The following MNDA variants were observed in gnomAD, a reference collection of about 807,000 sequenced individuals.
MNDA encodes the protein epididymis secretory sperm binding protein.
MNDA carries 43 observed loss-of-function variants against 37.8 expected under a neutral mutation model. The ratio of observed to expected loss-of-function variants is 1.14; its 90% CI spans 0.89 to 1.47. The LOEUF is 1.47. MNDA is among the 40% of genes most tolerant of loss of function. The pLI is 0.00. For missense variants in MNDA, 536 were observed against 476.0 expected (o/e 1.13, Z -1.17); for synonymous variants, 181 against 169.0 (o/e 1.07, Z -0.55).
chr1:158,845,997 A>G lies in MNDA; in HGVS notation c.981A>G (p.Leu327=), dbSNP rs750411551. The G allele has an allele frequency of 6.3e-7, 1 of 1,598,254 alleles. No individual in the cohort carries two copies. The highest frequency in any genetic ancestry group is 2.2e-5 in the East Asian group (1 of 44,726). ...CAATGGTGTATGGGTTGTTTATGTTACAAAAGGTAAACCCTTAATTTTGTT... is the reference window on the plus strand; with the variant it reads ...CAATGGTGTATGGGTTGTTTATGTTGCAAAAGGTAAACCCTTAATTTTGTT... ...SGTMVYGLFM[L]QKKSVHKKNT... is the part of the protein sequence containing the mutation. The change falls in exon 5 of 7, where the codon TTA becomes TTG. Residue 327 remains leucine, a synonymous_variant. Coordinates refer to ENST00000368141, the MANE Select transcript of MNDA (RefSeq NM_002432.3).
chr1:158,843,256 C>A (rs766480233), intron 2 of MNDA, 23 bp from the exon 3 acceptor site: 1 of 1,597,728 alleles, frequency 6.3e-7, no homozygotes, highest in Non-Finnish European at 8.5e-7. Context: ...GCCTATTGTG[C>A]CCTTTTTCTT....
chr1:158,834,381 C>T (rs536963915), intron 1 of MNDA, among the ~76,000 whole-genome samples: 1 of 152,012 alleles, frequency 6.6e-6, no homozygotes, highest in South Asian at 2.1e-4. Context: ...TACAGACACG[C>T]GCCACCATGC....
chr1:158,842,488 T>C (rs1659048991), intron 2 of MNDA, 70 bp downstream of exon 2: 2 of 1,476,626 alleles, frequency 1.4e-6, no homozygotes. Context: ...AACCCCACCT[T>C]GGTCATAGCT....
intron 1 of MNDA, among the ~76,000 whole-genome samples, chr1:158,835,613 G>C (rs967041607): frequency 5.0e-5 from 3 of 60,136 alleles, no homozygotes; most frequent in Non-Finnish European, 6.6e-5. Flanking sequence ...GCCTATTTTT[G>C]GTGGGGGCGG....
chr1:158,847,807 G>T lies in MNDA; in HGVS notation c.1067G>T (p.Trp356Leu). 1 of 1,614,040 alleles carries T rather than the reference G, an allele frequency of 6.2e-7. No homozygotes were observed. The highest frequency in any genetic ancestry group is 8.5e-7 in the Non-Finnish European group (1 of 1,179,916). The change falls in exon 6 of 7, where the codon TGG becomes TTG. Residue 356 changes from tryptophan to leucine, a missense_variant. Physicochemically the swap from Trp to Leu is moderately conservative, Grantham distance 61. Coordinates refer to ENST00000368141, the MANE Select transcript of MNDA (RefSeq NM_002432.3). ...GSMDVVGSGK[W>L]HNIKCEKGDK... ...ATGGATGTAGTGGGGAGTGGAAAAT[G>T]GCACAATATCAAGTGTGAGAAAGGA... is the stretch of plus-strand genomic sequence containing the variant.
intron 1 of MNDA, among the ~76,000 whole-genome samples, chr1:158,838,416 G>T (rs1354580432): frequency 6.6e-6 from 1 of 151,858 alleles, no homozygotes. Context: ...ACTACCTTCT[G>T]GTCTACAAAG....
At chr1:158,838,134 A>G (rs931927340) in intron 1 of MNDA, among the ~76,000 whole-genome samples, 4 of 152,006 alleles carry the variant, frequency 2.6e-5, no homozygotes, top group Non-Finnish European at 5.9e-5. Context: ...TCAAAATAGC[A>G]AAAGTCATGT....
At chr1:158,836,011 C>T (rs1211514150) in intron 1 of MNDA, among the ~76,000 whole-genome samples, 1 of 151,548 alleles carries the variant, frequency 6.6e-6, no homozygotes, top group Non-Finnish European at 1.5e-5. Context: ...TATTTTCAGT[C>T]TTTTACCATT....
At chr1:158,843,497 A>C in intron 3 of MNDA, 82 bp downstream of exon 3, 2 of 1,344,468 alleles carry the variant, frequency 1.5e-6, no homozygotes, top group Non-Finnish European at 9.9e-7. Flanking sequence ...TAATATCTCA[A>C]CACAGCTTAG....
chr1:158,840,386 GGA>G (rs893355152), intron 1 of MNDA, among the ~76,000 whole-genome samples: 6 of 152,122 alleles, frequency 3.9e-5, no homozygotes, highest in Non-Finnish European at 8.8e-5. Flanking sequence ...CAGGGTGGCA[GGA>G]GAGAGAATGA....
chr1:158,836,952 TC>T (rs1658927956), intron 1 of MNDA, among the ~76,000 whole-genome samples: 1 of 151,878 alleles, frequency 6.6e-6, no homozygotes, highest in African/African-American at 2.4e-5. Flanking sequence ...GACTTGTGAT[TC>T]TTTGTACATG....
At position 158,840,470 on chromosome 1, in the gene MNDA, T is replaced by A. The variant is rs115098806; in HGVS notation, c.-20-1664T>A. On this transcript the variant is annotated intron_variant, in intron 1 of 6. Coordinates refer to ENST00000368141, the MANE Select transcript of MNDA (RefSeq NM_002432.3). ...TGAGAACTTGCTCACTATCACAAGA[T>A]GATATTTCAAGATGAGATTTGGGTT... 7.7e-3 allele frequency among the ~76,000 whole-genome samples: 1,171 copies of A among 152,258 alleles called. 17 individuals carry two copies. Among genetic ancestry groups the A allele is most frequent in the African/African-American group, 0.027 (1,104 of 41,560 alleles).
Position 158,845,599 on chromosome 1 carries a change from C to T in MNDA, c.583C>T (p.Gln195Ter), listed in dbSNP as rs1384325949. The T allele has an allele frequency of 2.5e-6, 4 of 1,611,152 alleles. No homozygotes were observed. The highest frequency in any genetic ancestry group is 3.4e-6 in the Non-Finnish European group (4 of 1,178,636). Residue 195 changes from glutamine (Q) to a stop codon, truncating the protein, a stop_gained, in exon 5 of 7, where the codon CAG becomes TAG. Coordinates refer to ENST00000368141, the MANE Select transcript of MNDA (RefSeq NM_002432.3). LOFTEE classifies it high-confidence loss of function. ...CTGCCCAACACAGAATCAGGAAACCCAGGCCCAACGGCAGGTGGATGCAAG... is the reference window on the plus strand; with the variant it reads ...CTGCCCAACACAGAATCAGGAAACCTAGGCCCAACGGCAGGTGGATGCAAG... ...NTSFTPNQET[Q>*]AQRQVDARRN...
chr1:158,831,960 C>A (rs1294680206), intron 1 of MNDA, among the ~76,000 whole-genome samples: 1 of 152,028 alleles, frequency 6.6e-6, no homozygotes, highest in Non-Finnish European at 1.5e-5. Flanking sequence ...ATATAAATCT[C>A]TATTATATGA....
intron 1 of MNDA, 124 bp downstream of exon 1, chr1:158,831,681 G>T (rs1658805871): frequency 6.6e-6 from 1 of 152,172 alleles, no homozygotes; most frequent in South Asian, 2.1e-4. Flanking sequence ...AGAAAACTGA[G>T]AACTGAATGC....
At position 158,849,453 on chromosome 1, in the gene MNDA, G is replaced by T; in HGVS notation, c.*216G>T. 2 of 465,080 alleles carry T rather than the reference G, an allele frequency of 4.3e-6. No homozygotes were observed. The highest frequency in any genetic ancestry group is 7.7e-6 in the Non-Finnish European group (2 of 259,312). The allele number at this position is 465,080 out of a possible 1,614,324, so 28.8% of individuals were successfully genotyped here. A position where few individuals can be genotyped will look rare whatever the true frequency, so the allele number is the denominator to read the frequency against. ...TCCTTTTTTTTAGATATTACATTTT[G>T]CTTTTATGACATTCACGAGGCAAAA... On this transcript the variant is annotated 3_prime_UTR_variant, in exon 7 of 7. Coordinates refer to ENST00000368141, the MANE Select transcript of MNDA (RefSeq NM_002432.3).
At chr1:158,849,124 A>G in intron 6 of MNDA, 66 bp from the exon 7 acceptor site, 1 of 1,223,866 alleles carries the variant, frequency 8.2e-7, no homozygotes, top group Non-Finnish European at 1.2e-6. Context: ...GTGAAAGGAG[A>G]ACTATAAGCA....
intron 1 of MNDA, among the ~76,000 whole-genome samples, chr1:158,833,991 T>C (rs1174706998): frequency 6.6e-6 from 1 of 152,198 alleles, no homozygotes; most frequent in East Asian, 1.9e-4. Context: ...TTCCCTTTTT[T>C]ACTCATCCTC....
intron 1 of MNDA, among the ~76,000 whole-genome samples, chr1:158,837,798 G>T (rs1179977819): frequency 6.6e-6 from 1 of 150,760 alleles, no homozygotes; most frequent in Non-Finnish European, 1.5e-5. Flanking sequence ...ATAGGTTTTT[G>T]TCTCTTAGTG....
Sources: allele counts gnomAD v4.1 joint callset (sites outside exome capture counted in the v4.1 genomes callset), GRCh38; gene constraint gnomAD v4.1.1; transcripts MANE v1.5; gene names NCBI Gene and HGNC (gene_info 2026-07-23, HGNC 2026-07-21).